Variants in TRIM24 observed in about 807,000 individuals in gnomAD.
TRIM24 encodes the protein transcription intermediary factor 1-alpha.
In TRIM24, 29 loss-of-function variants were observed where a neutral mutation model predicts 123.9. The observed-to-expected ratio is 0.23, with a 90% CI of 0.17 to 0.32. The LOEUF is 0.32. TRIM24 is among the 10% of genes least tolerant of loss of function. The pLI is 1.00. For synonymous variants in TRIM24, 456 were observed against 461.1 expected, an observed-to-expected ratio of 0.99 and a Z score of 0.14; for missense variants, 932 against 1,295.3, an observed-to-expected ratio of 0.72 and a Z score of 4.31.
At chr7:138,490,640 C>A in intron 1 of TRIM24, 1 of 333,720 alleles carries the variant, frequency 3.0e-6, no homozygotes, top group South Asian at 2.6e-5. Context: ...GTATCTCATC[C>A]CCAGTTGCTT....
chr7:138,506,495 G>A (rs1388989087), intron 2 of TRIM24, among the ~76,000 whole-genome samples: 1 of 152,130 alleles, frequency 6.6e-6, no homozygotes, highest in African/African-American at 2.4e-5. Flanking sequence ...AAATACAGTA[G>A]CATAAGTAAT....
chr7:138,513,533 C>T (rs1401658382), intron 2 of TRIM24, among the ~76,000 whole-genome samples: 1 of 152,248 alleles, frequency 6.6e-6, no homozygotes, highest in Admixed American at 6.5e-5. Flanking sequence ...AGAGCAGGCT[C>T]ATCCACATGG....
chr7:138,473,633 C>G lies in TRIM24; in HGVS notation c.364+12721C>G, dbSNP rs535692597. Among the ~76,000 whole-genome samples the G allele has an allele frequency of 4.6e-5, 7 of 152,342 alleles. No individual in the cohort carries two copies. The East Asian group carries it at 1.3e-3, about 29-fold the overall frequency. On this transcript the variant is annotated intron_variant, in intron 1 of 18. Coordinates refer to ENST00000343526, the MANE Select transcript of TRIM24 (RefSeq NM_015905.3). Reference sequence around the variant, plus strand: ...GATTTCTTGCCTTTATCAGCTATTACTGTGATAGTACAAAATGGTTTTTCT... The same window carrying G: ...GATTTCTTGCCTTTATCAGCTATTAGTGTGATAGTACAAAATGGTTTTTCT...
At chr7:138,461,000 C>A (rs1794951851) in intron 1 of TRIM24, 88 bp downstream of exon 1, 4 of 1,205,348 alleles carry the variant, frequency 3.3e-6, no homozygotes, top group South Asian at 3.7e-5. Flanking sequence ...GCTGTCATGT[C>A]GCCGCCGCCC....
At chr7:138,461,760 T>TTGCAAA (rs1440369819) in intron 1 of TRIM24, among the ~76,000 whole-genome samples, 2 of 152,244 alleles carry the variant, frequency 1.3e-5, no homozygotes, top group Non-Finnish European at 2.9e-5. Context: ...TTTTTAAATT[T>TTGCAAA]TATTATTGCA....
chr7:138,531,163 T>C (rs114200993), intron 6 of TRIM24, among the ~76,000 whole-genome samples: 3,603 of 144,982 alleles, frequency 0.025, 139 homozygotes, highest in African/African-American at 0.093. Context: ...CTAGGGTACA[T>C]GTGCACAACG....
intron 1 of TRIM24, among the ~76,000 whole-genome samples, chr7:138,503,455 T>TA (rs1449963523): frequency 1.3e-5 from 2 of 152,002 alleles, no homozygotes; most frequent in African/African-American, 2.4e-5. Flanking sequence ...GTTGCTATTG[T>TA]AAAAAAATTT....
At position 138,579,234 on chromosome 7, in the gene TRIM24, C is replaced by T. The variant is rs778378583; in HGVS notation, c.2287C>T (p.Leu763=). ...TTATCCAAGAAGCATACTCACCTCC[C>T]TGCTCTTAAATAGCAGTCAGAGCTC... The part of the protein sequence containing the change: ...ANYPRSILTS[L]LLNSSQSSTS... Residue 763 remains leucine (L), a synonymous_variant, in exon 15 of 19, where the codon CTG becomes TTG. Coordinates refer to ENST00000343526, the MANE Select transcript of TRIM24 (RefSeq NM_015905.3). 6.2e-7 allele frequency: 1 copy of T among 1,603,630 alleles called. No homozygotes were observed. Among genetic ancestry groups the T allele is most frequent in the South Asian group, 1.1e-5 (1 of 89,722 alleles).
chr7:138,539,627 C>T (rs1796960548), intron 7 of TRIM24, among the ~76,000 whole-genome samples: 1 of 151,992 alleles, frequency 6.6e-6, no homozygotes, highest in African/African-American at 2.4e-5. Context: ...TACTATAAAC[C>T]ATAGGTTCAG....
In TRIM24 at chr7:138,551,112, C is replaced by T; in HGVS notation, c.1193C>T (p.Pro398Leu). Residue 398 changes from proline to leucine, a missense_variant, in exon 8 of 19, where the codon CCA becomes CTA. Around this residue, in one of 7 missense-constraint regions of TRIM24, gnomAD observed 527 missense variants for 691.3 expected, o/e 0.76. Coordinates refer to ENST00000343526, the MANE Select transcript of TRIM24 (RefSeq NM_015905.3). ...CTTCGTGCAAGGTGTGATGCATCCC[C>T]AGTGACCAACAACACCATCCAATTT... ...HLLRARCDAS[P>L]VTNNTIQFHC... 1 of 1,613,896 alleles carries T rather than the reference C, an allele frequency of 6.2e-7. No homozygotes were observed. Among genetic ancestry groups the T allele is most frequent in the South Asian group, 1.1e-5 (1 of 91,070 alleles).
rs758369031 is a variant in TRIM24, at chr7:138,519,207, G to C, written c.650G>C (p.Ser217Thr). The change falls in exon 4 of 19, where the codon AGC becomes ACC. Residue 217 changes from serine (S) to threonine (T), a missense_variant. Physicochemically the swap from Ser to Thr is moderately conservative, Grantham distance 58. Transcript: ENST00000343526. ...TCTGCAGAGGCAGTTGGTGTCACCAGCCAGCGACCAGTGTTTTGTCCTTTT... is the reference window on the plus strand; with the variant it reads ...TCTGCAGAGGCAGTTGGTGTCACCACCCAGCGACCAGTGTTTTGTCCTTTT... The part of the protein sequence containing the change: ...EVSPEAVGVT[S>T]QRPVFCPFHK... 1.2e-6 allele frequency: 2 copies of C among 1,614,116 alleles called. No homozygotes were observed. Among genetic ancestry groups the C allele is most frequent in the Middle Eastern group, 3.3e-4 (2 of 6,060 alleles).
At chr7:138,485,316 G>A (rs1795619910) in intron 1 of TRIM24, among the ~76,000 whole-genome samples, 1 of 150,932 alleles carries the variant, frequency 6.6e-6, no homozygotes, top group African/African-American at 2.4e-5. Flanking sequence ...AACTTTCACT[G>A]CTATTTCCAG....
In TRIM24 at chr7:138,510,011, C is replaced by T. The variant is rs142455300; in HGVS notation, c.484-5201C>T. 3.6e-3 allele frequency among the ~76,000 whole-genome samples: 545 copies of T among 152,220 alleles called. 2 individuals carry two copies. The highest frequency in any genetic ancestry group is 0.012 in the African/African-American group (519 of 41,538). On this transcript the variant is annotated intron_variant, in intron 2 of 18. Coordinates refer to ENST00000343526, the MANE Select transcript of TRIM24 (RefSeq NM_015905.3). ...GTGCTGGCATCTCTGAAGTGAATTACAGTAAAGCTGGTTCTACAGATATTG... is the reference window on the plus strand; with the variant it reads ...GTGCTGGCATCTCTGAAGTGAATTATAGTAAAGCTGGTTCTACAGATATTG...
Position 138,504,324 on chromosome 7 carries a change from A to G in TRIM24, c.399A>G (p.Glu133=), listed in dbSNP as rs1177403682. ...TTCGTTGCCCAGTTTGCAGCCAAGA[A>G]TGTGCAGAGAGACACATCATAGATA... ...GVIRCPVCSQ[E]CAERHIIDNF... The change falls in exon 2 of 19, where the codon GAA becomes GAG. Residue 133 remains glutamate, a synonymous_variant. Transcript: ENST00000343526. 2 of 1,598,598 alleles carry G rather than the reference A, an allele frequency of 1.3e-6. No homozygotes were observed. Among genetic ancestry groups the G allele is most frequent in the East Asian group, 4.6e-5 (2 of 43,904 alleles).
At chr7:138,577,288 A>ATCAT (rs1439300371) in intron 13 of TRIM24, 132 bp from the exon 14 acceptor site, 2 of 616,212 alleles carry the variant, frequency 3.2e-6, no homozygotes, top group African/African-American at 3.8e-5. Flanking sequence ...TTTGTTATGC[A>ATCAT]TCATTAATTG....
intron 1 of TRIM24, among the ~76,000 whole-genome samples, chr7:138,488,262 C>G (rs2116492517): frequency 6.7e-6 from 1 of 150,234 alleles, no homozygotes; most frequent in Middle Eastern, 3.5e-3. Context: ...TGGTAGTGTT[C>G]TATCTATTTT....
intron 5 of TRIM24, among the ~76,000 whole-genome samples, chr7:138,526,238 G>C (rs1055239992): frequency 6.6e-6 from 1 of 152,116 alleles, no homozygotes; most frequent in African/African-American, 2.4e-5. Context: ...AACATAGCTG[G>C]GGGTGGAGCA....
intron 4 of TRIM24, among the ~76,000 whole-genome samples, chr7:138,522,950 T>A (rs1796534004): frequency 6.6e-6 from 1 of 152,204 alleles, no homozygotes; most frequent in South Asian, 2.1e-4. Flanking sequence ...TTTTAATAAC[T>A]GAAGCCATAT....
intron 1 of TRIM24, among the ~76,000 whole-genome samples, chr7:138,485,910 G>T (rs901878246): frequency 6.6e-6 from 1 of 152,100 alleles, no homozygotes; most frequent in African/African-American, 2.4e-5. Flanking sequence ...TTGAGGAATC[G>T]CCACACTGTC....
Sources: gnomAD v4.1 joint callset for allele counts (sites outside exome capture counted in the v4.1 genomes callset) on GRCh38, gnomAD v4.1.1 for gene constraint, gnomAD v4.1.1 regional missense constraint, MANE v1.5 for transcripts, NCBI Gene and HGNC (gene_info 2026-07-23, HGNC 2026-07-21) for gene names.